Variants in CPEB3 observed in about 807,000 individuals in gnomAD.
CPEB3 encodes the protein cytoplasmic polyadenylation element binding protein 3.
In CPEB3, 20 loss-of-function variants were observed where a neutral mutation model predicts 67.2. That is an observed-to-expected ratio of 0.30 (90% confidence interval 0.21 to 0.43). CPEB3 has a LOEUF of 0.43. CPEB3 is among the 20% of genes least tolerant of loss of function. The probability of loss-of-function intolerance (pLI) is 1.00; values close to 1 mark genes in which losing one functional copy is unlikely to be tolerated. For missense variants in CPEB3, 746 were observed against 968.6 expected (o/e 0.77, Z 3.05); for synonymous variants, 376 against 393.1 (o/e 0.96, Z 0.51).
intron 2 of CPEB3, among the ~76,000 whole-genome samples, chr10:92,205,200 A>G (rs1743624178): frequency 6.6e-6 from 1 of 152,216 alleles, no homozygotes; most frequent in African/African-American, 2.4e-5. Flanking sequence ...TGCTAAACCT[A>G]TCCCTGACAA....
At chr10:92,252,499 T>C (rs2134800674) in intron 1 of CPEB3, among the ~76,000 whole-genome samples, 1 of 152,310 alleles carries the variant, frequency 6.6e-6, no homozygotes, top group East Asian at 1.9e-4. Flanking sequence ...AGCAGCATTA[T>C]TCATAATAGC....
chr10:92,163,639 G>A (rs1163795628), intron 4 of CPEB3, among the ~76,000 whole-genome samples: 1 of 152,100 alleles, frequency 6.6e-6, no homozygotes, highest in Non-Finnish European at 1.5e-5. Flanking sequence ...TCCCTCATTA[G>A]ACTATAAATT....
intron 2 of CPEB3, among the ~76,000 whole-genome samples, chr10:92,205,739 G>A (rs555943004): frequency 6.6e-6 from 1 of 151,962 alleles, no homozygotes; most frequent in Non-Finnish European, 1.5e-5. Context: ...GCCTCCCAAA[G>A]TGCTAGGATT....
At chr10:92,071,151 C>T (rs1842737813) in intron 9 of CPEB3, among the ~76,000 whole-genome samples, 1 of 151,812 alleles carries the variant, frequency 6.6e-6, no homozygotes, top group Non-Finnish European at 1.5e-5. Flanking sequence ...AAGACTAAAA[C>T]CCCAGATTGG....
At chr10:92,291,209 C>T (rs1842850618), upstream of CPEB3, 3 of 515,852 alleles carry the variant, frequency 5.8e-6, no homozygotes, top group Middle Eastern at 5.0e-4. Context: ...ACTCGGCGCC[C>T]GCGGTCCATG....
chr10:92,091,058 C>T (rs1307347906), intron 8 of CPEB3, among the ~76,000 whole-genome samples: 1 of 152,246 alleles, frequency 6.6e-6, no homozygotes, highest in Middle Eastern at 3.4e-3. Context: ...GAAAGTAATA[C>T]AGCTAAATAA....
chr10:92,212,882 C>A lies in CPEB3; in HGVS notation c.1006-20246G>T, dbSNP rs571050556. Among the ~76,000 whole-genome samples, 3 of 152,094 alleles carry A rather than the reference C, an allele frequency of 2.0e-5. No homozygotes were observed. The East Asian group carries it at 5.8e-4, about 29-fold the overall frequency. On this transcript the variant is annotated intron_variant, in intron 2 of 9. Transcript: ENST00000265997. ...GCCAGAAGTTCCAGACCAGCCTGGG[C>A]AACATAGCAAGACCCCATCTCTACA...
At chr10:92,269,610 T>A (rs1414941046) in intron 1 of CPEB3, among the ~76,000 whole-genome samples, 1 of 152,088 alleles carries the variant, frequency 6.6e-6, no homozygotes, top group African/African-American at 2.4e-5. Flanking sequence ...CAGGCTGGAG[T>A]GCAATGGCGC....
At chr10:92,252,050 A>T (rs540142389) in intron 1 of CPEB3, among the ~76,000 whole-genome samples, 15 of 151,892 alleles carry the variant, frequency 9.9e-5, no homozygotes, top group Middle Eastern at 3.4e-3. Context: ...CTCTATATAT[A>T]TTTTTTTTCA....
At chr10:92,199,979 AATG>A (rs1377197677) in intron 2 of CPEB3, among the ~76,000 whole-genome samples, 1 of 151,928 alleles carries the variant, frequency 6.6e-6, no homozygotes, top group Non-Finnish European at 1.5e-5. Flanking sequence ...GTCTTCATTC[AATG>A]GTATATTTTA....
intron 9 of CPEB3, among the ~76,000 whole-genome samples, chr10:92,061,917 T>C (rs931203490): frequency 7.2e-5 from 11 of 152,198 alleles, no homozygotes; most frequent in African/African-American, 2.7e-4. Flanking sequence ...TGCATACCTA[T>C]ATCAAAATAT....
intron 1 of CPEB3, among the ~76,000 whole-genome samples, chr10:92,250,687 C>T (rs2134780681): frequency 6.6e-6 from 1 of 151,100 alleles, no homozygotes; most frequent in Admixed American, 6.6e-5. Context: ...TCCTTTATAC[C>T]ATTTTTTGTT....
At chr10:92,162,850 T>C (rs12262492) in intron 4 of CPEB3, among the ~76,000 whole-genome samples, 9,777 of 152,226 alleles carry the variant, frequency 0.064, 553 homozygotes, top group East Asian at 0.18. Flanking sequence ...GTTTGTTTTT[T>C]AGAGACTTTA....
intron 7 of CPEB3, among the ~76,000 whole-genome samples, chr10:92,101,847 G>A (rs896324235): frequency 6.6e-6 from 1 of 152,190 alleles, no homozygotes; most frequent in Non-Finnish European, 1.5e-5. Flanking sequence ...GGCAGAGGTT[G>A]CAGTGAGCCG....
Position 92,111,253 on chromosome 10 carries a change from C to T in CPEB3, c.1454-59G>A, listed in dbSNP as rs1014138572. On this transcript the variant is annotated intron_variant, in intron 6 of 9. Transcript: ENST00000265997. ...GAATCAGTACATTAAACTCAAAGTA[C>T]CAATTACAAATTATCTGTTGTTTCA... is the stretch of plus-strand genomic sequence containing the variant. The T allele has an allele frequency of 3.8e-5, 41 of 1,076,444 alleles. No homozygotes were observed. The Admixed American group carries it at 5.8e-4, about 15-fold the overall frequency. 66.7% of individuals were successfully genotyped at this position (1,076,444 alleles called of 1,614,324 possible).
chr10:92,261,115 A>G (rs900416552), intron 1 of CPEB3, among the ~76,000 whole-genome samples: 1 of 152,174 alleles, frequency 6.6e-6, no homozygotes, highest in African/African-American at 2.4e-5. Context: ...GCAATAGTCA[A>G]TATGTCTACA....
intron 2 of CPEB3, among the ~76,000 whole-genome samples, chr10:92,207,698 C>T (rs1444108707): frequency 5.3e-5 from 8 of 152,108 alleles, no homozygotes; most frequent in Admixed American, 5.2e-4. Context: ...GGTGAAACTC[C>T]ATCTCTACTA....
chr10:92,134,932 A>C (rs1846018442), intron 6 of CPEB3, among the ~76,000 whole-genome samples: 1 of 152,102 alleles, frequency 6.6e-6, no homozygotes, highest in African/African-American at 2.4e-5. Flanking sequence ...CCTATTTAAT[A>C]AATGGTGCTG....
chr10:92,088,375 T>G (rs1163212570), intron 8 of CPEB3, among the ~76,000 whole-genome samples: 1 of 151,948 alleles, frequency 6.6e-6, no homozygotes, highest in Admixed American at 6.6e-5. Context: ...TACAGGAGTG[T>G]GCCATCATGC....
Sources: gnomAD v4.1 joint callset for allele counts (sites outside exome capture counted in the v4.1 genomes callset) on GRCh38, gnomAD v4.1.1 for gene constraint, MANE v1.5 for transcripts, NCBI Gene and HGNC (gene_info 2026-07-23, HGNC 2026-07-21) for gene names.